Variants in POLA1 observed in about 807,000 individuals in gnomAD.
The protein encoded by POLA1 is DNA polymerase alpha 1, catalytic subunit, also known as DNA polymerase alpha catalytic subunit.
Under a neutral mutation model 124.0 loss-of-function variants are expected in POLA1, and 15 were observed. That is an observed-to-expected ratio of 0.12 (90% CI 0.08 to 0.19). The LOEUF (loss-of-function observed/expected upper bound fraction) is 0.19, where lower values mean the gene tolerates loss of function less well. POLA1 is among the 10% of genes least tolerant of loss of function. POLA1 has a pLI of 1.00. For synonymous variants in POLA1, 408 were observed against 389.4 expected (o/e 1.05, Z -0.56); for missense variants, 886 against 1,103.4 (o/e 0.80, Z 2.79).
chrX:24,767,422 G>A (rs1306313312), intron 26 of POLA1, among the ~76,000 whole-genome samples: 5 of 111,654 alleles, frequency 4.5e-5, no homozygotes, highest in African/African-American at 1.6e-4. Flanking sequence ...TGGTCTCACT[G>A]TCTCCTTTGC....
chrX:24,854,899 A>C (rs1414897138), intron 34 of POLA1, among the ~76,000 whole-genome samples: 1 of 111,740 alleles, frequency 8.9e-6, no homozygotes, highest in Non-Finnish European at 1.9e-5. Context: ...GGTAGTAAAA[A>C]AAATTGGATA....
chrX:24,908,841 A>G (rs2047404925), intron 35 of POLA1, among the ~76,000 whole-genome samples: 1 of 111,850 alleles, frequency 8.9e-6, no homozygotes, highest in South Asian at 3.8e-4. Flanking sequence ...ACTAGTTTAC[A>G]GTCCCACCAA....
At chrX:24,855,880 G>C (rs1253018826) in intron 34 of POLA1, among the ~76,000 whole-genome samples, 1 of 111,436 alleles carries the variant, frequency 9.0e-6, no homozygotes, top group East Asian at 2.8e-4. Flanking sequence ...CATGTGGTTT[G>C]GTCTAAAACA....
At chrX:24,808,521 T>C (rs991707569) in intron 26 of POLA1, among the ~76,000 whole-genome samples, 1 of 111,126 alleles carries the variant, frequency 9.0e-6, no homozygotes, top group African/African-American at 3.3e-5. Flanking sequence ...TGTTTGTTTT[T>C]TTTTTTTTAA....
intron 35 of POLA1, among the ~76,000 whole-genome samples, chrX:24,909,067 C>A (rs1204323536): frequency 8.9e-6 from 1 of 112,245 alleles, no homozygotes; most frequent in Non-Finnish European, 1.9e-5. Flanking sequence ...CCTCCGCCCA[C>A]TTCTTAATGG....
intron 26 of POLA1, among the ~76,000 whole-genome samples, chrX:24,761,693 GA>G (rs1043378214): frequency 2.0e-4 from 22 of 111,878 alleles, no homozygotes; most frequent in African/African-American, 7.2e-4. Flanking sequence ...TGATAGGGCA[GA>G]AAAAAATAAT....
intron 34 of POLA1, among the ~76,000 whole-genome samples, chrX:24,871,500 G>T (rs188271484): frequency 8.9e-6 from 1 of 112,270 alleles, no homozygotes; most frequent in African/African-American, 3.2e-5. Context: ...ATGAGATTTA[G>T]TTAAGAGGAA....
intron 32 of POLA1, among the ~76,000 whole-genome samples, chrX:24,839,485 T>TA (rs1165291017): frequency 5.4e-5 from 6 of 111,997 alleles, no homozygotes; most frequent in African/African-American, 1.9e-4. Context: ...CATGAGTAAG[T>TA]AACAAGATGG....
chrX:24,739,366 A>T lies in POLA1; in HGVS notation c.2041-9A>T. 8.6e-7 allele frequency: 1 copy of T among 1,160,387 alleles called. No homozygotes were observed. The highest frequency in any genetic ancestry group is 3.1e-5 in the East Asian group (1 of 31,996). On this transcript the variant is annotated splice_polypyrimidine_tract_variant and intron_variant, in intron 19 of 36. Coordinates refer to ENST00000379068, the MANE Select transcript of POLA1 (RefSeq NM_001330360.2). Reference sequence around the variant, plus strand: ...TTCATGAAGTTTGCTTTTTGTTCCCATCTTGTAGGGCCGGAGTGGATTTGG... The same window carrying T: ...TTCATGAAGTTTGCTTTTTGTTCCCTTCTTGTAGGGCCGGAGTGGATTTGG...
intron 1 of POLA1, among the ~76,000 whole-genome samples, chrX:24,696,492 C>G (rs892362982): frequency 8.9e-6 from 1 of 111,936 alleles, no homozygotes; most frequent in African/African-American, 3.2e-5. Context: ...ACCCATGCCC[C>G]CTTCCTTGTG....
At chrX:24,825,206 A>G (rs193170846) in intron 31 of POLA1, among the ~76,000 whole-genome samples, 2 of 112,545 alleles carry the variant, frequency 1.8e-5, no homozygotes, top group African/African-American at 6.4e-5. Context: ...TCCTTTTACT[A>G]TGTTGTAAAC....
At chrX:24,951,432 G>A (rs905282033) in intron 36 of POLA1, among the ~76,000 whole-genome samples, 9 of 94,054 alleles carry the variant, frequency 9.6e-5, no homozygotes, top group African/African-American at 3.6e-4. Context: ...TAGCACACAG[G>A]CAACTCTGCA....
At chrX:24,880,235 A>T (rs1247320983) in intron 34 of POLA1, among the ~76,000 whole-genome samples, 1 of 111,969 alleles carries the variant, frequency 8.9e-6, no homozygotes, top group Non-Finnish European at 1.9e-5. Flanking sequence ...TGGTCCTTGT[A>T]CAAATGATAA....
At chrX:24,823,307 A>T (rs2147014864) in intron 31 of POLA1, among the ~76,000 whole-genome samples, 1 of 112,030 alleles carries the variant, frequency 8.9e-6, no homozygotes, top group East Asian at 2.8e-4. Flanking sequence ...TTGCTAGCCA[A>T]ATCTGCCTAA....
At chrX:24,986,159 C>T (rs775998268) in intron 36 of POLA1, among the ~76,000 whole-genome samples, 3 of 108,329 alleles carry the variant, frequency 2.8e-5, no homozygotes, top group Non-Finnish European at 5.7e-5. Context: ...GCAACAAGAG[C>T]GAAACTCCAT....
At chrX:24,857,967 A>G (rs1228609006) in intron 34 of POLA1, among the ~76,000 whole-genome samples, 1 of 111,990 alleles carries the variant, frequency 8.9e-6, no homozygotes, top group Non-Finnish European at 1.9e-5. Context: ...ACATGTAATT[A>G]CCATGTGCTA....
At chrX:24,984,654 C>CTT (rs72426448) in intron 36 of POLA1, among the ~76,000 whole-genome samples, 1,434 of 78,508 alleles carry the variant, frequency 0.018, 26 homozygotes, top group African/African-American at 0.045. Context: ...ACCTTTTGCA[C>CTT]TTTTTTTTTT....
At chrX:24,994,648 T>C (rs2048578721) in intron 36 of POLA1, among the ~76,000 whole-genome samples, 1 of 107,671 alleles carries the variant, frequency 9.3e-6, no homozygotes, top group Non-Finnish European at 1.9e-5. Flanking sequence ...AGGTGCGGGC[T>C]GGGGGTTCTG....
chrX:24,970,485 A>G (rs1217375372), intron 36 of POLA1, among the ~76,000 whole-genome samples: 1 of 112,213 alleles, frequency 8.9e-6, no homozygotes, highest in Non-Finnish European at 1.9e-5. Context: ...GAGCTTCTGC[A>G]CAGCAAAAGA....
Sources: gnomAD v4.1 joint callset for allele counts (sites outside exome capture counted in the v4.1 genomes callset) on GRCh38, gnomAD v4.1.1 for gene constraint, MANE v1.5 for transcripts, NCBI Gene and HGNC (gene_info 2026-07-23, HGNC 2026-07-21) for gene names.